Variants in BRAF observed in about 807,000 individuals in gnomAD.
BRAF encodes serine/threonine-protein kinase B-raf.
A neutral mutation model predicts 104.6 loss-of-function variants in BRAF; 16 were observed. That is an observed-to-expected ratio of 0.15 (90% CI 0.10 to 0.23). BRAF has a LOEUF of 0.23. Ranked by LOEUF, BRAF falls within the 10% of genes least tolerant of loss-of-function variation. The pLI, the probability that BRAF is intolerant of heterozygous loss-of-function variation, is 1.00. For missense variants in BRAF, 541 were observed against 937.3 expected, an observed-to-expected ratio of 0.58 and a Z score of 5.52; for synonymous variants, 310 against 341.6, an observed-to-expected ratio of 0.91 and a Z score of 1.02.
At chr7:140,894,532 A>G (rs1046166875) in intron 1 of BRAF, among the ~76,000 whole-genome samples, 2 of 152,104 alleles carry the variant, frequency 1.3e-5, no homozygotes, top group Non-Finnish European at 2.9e-5. Context: ...AAGTGTACTG[A>G]TTTTCTTACC....
chr7:140,770,573 ATTTC>A (rs1799743110), intron 14 of BRAF, among the ~76,000 whole-genome samples: 1 of 151,012 alleles, frequency 6.6e-6, no homozygotes, highest in African/African-American at 2.4e-5. Flanking sequence ...CATTCCTGGA[ATTTC>A]TTTAGTAACA....
intron 15 of BRAF, chr7:140,753,723 C>T (rs370108044): frequency 2.0e-5 from 6 of 304,718 alleles, no homozygotes; most frequent in Non-Finnish European, 3.7e-5. Flanking sequence ...CACTCCTGGG[C>T]GAGCAGTAAA....
intron 14 of BRAF, among the ~76,000 whole-genome samples, chr7:140,771,254 G>A (rs886953108): frequency 1.3e-5 from 2 of 152,118 alleles, no homozygotes; most frequent in African/African-American, 4.8e-5. Flanking sequence ...GGAGTGTAGT[G>A]GCACGATCAT....
intron 2 of BRAF, among the ~76,000 whole-genome samples, chr7:140,848,379 A>T (rs549299224): frequency 6.6e-6 from 1 of 152,244 alleles, no homozygotes; most frequent in Non-Finnish European, 1.5e-5. Flanking sequence ...TCCAGTACCT[A>T]GTATCTTGCT....
chr7:140,905,840 G>A (rs559991176), intron 1 of BRAF, among the ~76,000 whole-genome samples: 1 of 152,074 alleles, frequency 6.6e-6, no homozygotes, highest in East Asian at 1.9e-4. Flanking sequence ...TGTAATCCCA[G>A]CACTTTGGGA....
intron 3 of BRAF, among the ~76,000 whole-genome samples, chr7:140,833,471 G>A (rs1375729708): frequency 6.6e-6 from 1 of 152,168 alleles, no homozygotes; most frequent in Non-Finnish European, 1.5e-5. Context: ...TAATTCATAT[G>A]TTGATATTCC....
At chr7:140,885,203 A>G (rs921187985) in intron 1 of BRAF, among the ~76,000 whole-genome samples, 2 of 151,966 alleles carry the variant, frequency 1.3e-5, no homozygotes, top group African/African-American at 4.8e-5. Flanking sequence ...AGGTTTCATC[A>G]TGTTGGCCAG....
At chr7:140,726,594 C>A (rs1190393694) in intron 19 of BRAF, 9 of 1,254,932 alleles carry the variant, frequency 7.2e-6, no homozygotes, top group Middle Eastern at 1.8e-4. Context: ...CTCATTTGAG[C>A]TTCACTGAAA....
At chr7:140,755,156 T>C (rs1562942087) in intron 14 of BRAF, among the ~76,000 whole-genome samples, 2 of 152,154 alleles carry the variant, frequency 1.3e-5, no homozygotes, top group Non-Finnish European at 2.9e-5. Flanking sequence ...TGTTTATTTC[T>C]TTGTATACCC....
intron 1 of BRAF, among the ~76,000 whole-genome samples, chr7:140,907,575 A>G (rs376657913): frequency 5.3e-5 from 8 of 150,128 alleles, no homozygotes; most frequent in African/African-American, 2.0e-4. Flanking sequence ...TTTTTCCTTT[A>G]TTTGAGACAG....
At chr7:140,749,722 T>A (rs1334914305) in intron 16 of BRAF, among the ~76,000 whole-genome samples, 6 of 152,172 alleles carry the variant, frequency 3.9e-5, no homozygotes, top group African/African-American at 1.4e-4. Context: ...TTCCCATGAC[T>A]TACCCTATTA....
chr7:140,831,184 A>C (rs932269395), intron 3 of BRAF, among the ~76,000 whole-genome samples: 4 of 152,218 alleles, frequency 2.6e-5, no homozygotes, highest in Non-Finnish European at 5.9e-5. Flanking sequence ...GATTATCTAC[A>C]GAGAACTGGA....
Position 140,721,978 on chromosome 7 carries a change from C to T in BRAF, c.*4516G>A, listed in dbSNP as rs1795345745. 1 of 1,207,096 alleles carries T rather than the reference C, an allele frequency of 8.3e-7. No individual in the cohort carries two copies. The highest frequency in any genetic ancestry group is 4.4e-5 in the Admixed American group (1 of 22,824). The allele number at this position is 1,207,096 out of a possible 1,614,324, so 74.8% of individuals were successfully genotyped here. ...GCAGTACTCTGGAAACTGATAAAAC[C>T]AAATTCGGTCCTATATTTCAATTTC... is the stretch of plus-strand genomic sequence containing the variant. On this transcript the variant is annotated 3_prime_UTR_variant, in exon 20 of 20. Coordinates refer to ENST00000644969, the MANE Select transcript of BRAF (RefSeq NM_001374258.1).
intron 1 of BRAF, among the ~76,000 whole-genome samples, chr7:140,912,800 G>A (rs147981686): frequency 1.2e-4 from 19 of 152,224 alleles, no homozygotes; most frequent in African/African-American, 4.6e-4. Context: ...TGCCCGCCTC[G>A]GCCTCCCAAA....
At chr7:140,855,846 C>G (rs1004514005) in intron 1 of BRAF, among the ~76,000 whole-genome samples, 4 of 150,764 alleles carry the variant, frequency 2.7e-5, no homozygotes, top group African/African-American at 7.3e-5. Flanking sequence ...AAGGCAAAAC[C>G]CTTTCTCTAC....
At chr7:140,877,233 T>C (rs988701547) in intron 1 of BRAF, among the ~76,000 whole-genome samples, 2 of 148,140 alleles carry the variant, frequency 1.4e-5, no homozygotes, top group Admixed American at 7.0e-5. Flanking sequence ...ACAGTAGTGC[T>C]ACAGTGAATT....
chr7:140,898,690 A>G (rs2129126257), intron 1 of BRAF, among the ~76,000 whole-genome samples: 1 of 152,338 alleles, frequency 6.6e-6, no homozygotes, highest in East Asian at 1.9e-4. Flanking sequence ...TTTGTCCTTA[A>G]TCACATCCAC....
intron 1 of BRAF, among the ~76,000 whole-genome samples, chr7:140,879,952 G>C (rs924560987): frequency 5.3e-5 from 8 of 152,000 alleles, no homozygotes; most frequent in African/African-American, 1.9e-4. Context: ...GGCTGGTCTT[G>C]ATCTCCTGAC....
intron 5 of BRAF, among the ~76,000 whole-genome samples, chr7:140,802,100 G>A (rs1356831745): frequency 1.1e-4 from 16 of 152,032 alleles, no homozygotes; most frequent in Non-Finnish European, 2.2e-4. Context: ...GATATCTAAA[G>A]TTAATAAAGC....
Sources: gnomAD v4.1 joint callset for allele counts (sites outside exome capture counted in the v4.1 genomes callset) on GRCh38, gnomAD v4.1.1 for gene constraint, MANE v1.5 for transcripts, NCBI Gene and HGNC (gene_info 2026-07-23, HGNC 2026-07-21) for gene names.